Variants in DAPK2 observed in about 807,000 individuals in gnomAD.
The protein encoded by DAPK2 is death associated protein kinase 2.
In DAPK2, 35 loss-of-function variants were observed where a neutral mutation model predicts 44.1. That is an observed-to-expected ratio of 0.79 (90% CI 0.61 to 1.05). The LOEUF (loss-of-function observed/expected upper bound fraction) is 1.05. Among genes scored for constraint, DAPK2 ranks in the 50% least tolerant of loss-of-function variants. The probability of loss-of-function intolerance (pLI) is 0.00; values close to 1 mark genes in which losing one functional copy is unlikely to be tolerated. For synonymous variants in DAPK2, 174 were observed against 182.6 expected, an observed-to-expected ratio of 0.95 and a Z score of 0.38; for missense variants, 453 against 483.2, an observed-to-expected ratio of 0.94 and a Z score of 0.59.
At chr15:63,953,929 T>C (rs1343393860) in intron 3 of DAPK2, among the ~76,000 whole-genome samples, 2 of 152,232 alleles carry the variant, frequency 1.3e-5, no homozygotes, top group Non-Finnish European at 2.9e-5. Flanking sequence ...TTTTTAGAAA[T>C]GTCTATTCAG....
At chr15:63,947,184 T>C (rs11853756) in intron 3 of DAPK2, among the ~76,000 whole-genome samples, 151,438 of 152,168 alleles carry the variant, frequency 1, 75,361 homozygotes, top group East Asian at 1. Context: ...TCTCCCCCTC[T>C]CCACCCAGTT....
At chr15:64,041,718 A>C (rs906484010), upstream of DAPK2, among the ~76,000 whole-genome samples, 2 of 152,226 alleles carry the variant, frequency 1.3e-5, no homozygotes, top group South Asian at 4.1e-4. Context: ...CCATTATATA[A>C]GGGCACATCT....
At chr15:63,957,700 G>T (rs2077766096) in intron 3 of DAPK2, among the ~76,000 whole-genome samples, 1 of 151,966 alleles carries the variant, frequency 6.6e-6, no homozygotes, top group South Asian at 2.1e-4. Flanking sequence ...CATTTTTTAT[G>T]GCTGCATAGT....
intron 1 of DAPK2, 102 bp from the exon 3 acceptor site, chr15:63,983,856 C>CAGGAA: frequency 8.7e-7 from 1 of 1,155,636 alleles, no homozygotes; most frequent in Admixed American, 2.0e-5. Context: ...GTGATTCTGC[C>CAGGAA]AGGACAGGAC....
chr15:63,970,181 C>A (rs115470949), intron 3 of DAPK2, among the ~76,000 whole-genome samples: 2 of 152,194 alleles, frequency 1.3e-5, no homozygotes, highest in Non-Finnish European at 2.9e-5. Flanking sequence ...TCTCTGCTCA[C>A]CTGAACCCTT....
intron 3 of DAPK2, 90 bp downstream of exon 4, chr15:63,971,333 C>A (rs6494457): frequency 0.39 from 571,867 of 1,462,676 alleles, 118,164 homozygotes; most frequent in Non-Finnish European, 0.43. Context: ...AAGGGCTGGT[C>A]GGCACTGGGC....
intron 1 of DAPK2, among the ~76,000 whole-genome samples, chr15:63,999,564 G>A (rs2079031147): frequency 6.6e-6 from 1 of 152,094 alleles, no homozygotes; most frequent in South Asian, 2.1e-4. Flanking sequence ...TCCATCAGTA[G>A]GGGTCTTTTC....
intron 2 of DAPK2, among the ~76,000 whole-genome samples, chr15:63,975,609 T>A (rs1255040569): frequency 1.3e-5 from 2 of 151,464 alleles, no homozygotes; most frequent in Non-Finnish European, 2.9e-5. Flanking sequence ...CTTTTCTTTT[T>A]TTTTTTTGAG....
At chr15:63,989,990 C>G (rs1296446614) in intron 1 of DAPK2, among the ~76,000 whole-genome samples, 1 of 152,134 alleles carries the variant, frequency 6.6e-6, no homozygotes, top group Non-Finnish European at 1.5e-5. Context: ...CTGCGTCAGG[C>G]CTATTATTGG....
At chr15:63,938,431 G>A (rs1028229383) in intron 4 of DAPK2, among the ~76,000 whole-genome samples, 10 of 152,200 alleles carry the variant, frequency 6.6e-5, no homozygotes, top group South Asian at 4.1e-4. Context: ...AGCATTCTAC[G>A]GTGGCTGCAG....
At chr15:63,938,988 A>G (rs1043605120) in intron 4 of DAPK2, among the ~76,000 whole-genome samples, 4 of 152,206 alleles carry the variant, frequency 2.6e-5, no homozygotes, top group Non-Finnish European at 5.9e-5. Flanking sequence ...TACAGGCTGT[A>G]GCCCCACTGA....
chr15:63,947,342 A>G (rs74021209), intron 3 of DAPK2, among the ~76,000 whole-genome samples: 9,254 of 152,192 alleles, frequency 0.061, 450 homozygotes, highest in African/African-American at 0.13. Context: ...AAAACCCCAT[A>G]AGGAAGGACA....
intron 1 of DAPK2, among the ~76,000 whole-genome samples, chr15:64,036,330 T>TAC (rs1183533660): frequency 1.6e-5 from 2 of 124,226 alleles, no homozygotes; most frequent in Non-Finnish European, 3.4e-5. Flanking sequence ...TATATATATA[T>TAC]ATATATACAT....
chr15:64,000,267 C>T (rs2079051213), intron 1 of DAPK2, among the ~76,000 whole-genome samples: 1 of 152,044 alleles, frequency 6.6e-6, no homozygotes, highest in Non-Finnish European at 1.5e-5. Flanking sequence ...CACCCCACTA[C>T]AGCAAACTCC....
chr15:64,025,254 A>C (rs1332541455), intron 1 of DAPK2, among the ~76,000 whole-genome samples: 1 of 152,226 alleles, frequency 6.6e-6, no homozygotes, highest in Non-Finnish European at 1.5e-5. Context: ...ATCTGTAAAA[A>C]GGGAAAAATA....
chr15:63,957,734 A>G (rs1183381752), intron 3 of DAPK2, among the ~76,000 whole-genome samples: 2 of 151,770 alleles, frequency 1.3e-5, no homozygotes, highest in Non-Finnish European at 2.9e-5. Context: ...TATGTGCCAC[A>G]TTTTCTTAAT....
chr15:64,002,518 T>C (rs1406432302), intron 1 of DAPK2, among the ~76,000 whole-genome samples: 1 of 152,258 alleles, frequency 6.6e-6, no homozygotes, highest in Non-Finnish European at 1.5e-5. Context: ...GATGGATGGA[T>C]AGATGACCAA....
intron 2 of DAPK2, among the ~76,000 whole-genome samples, chr15:63,979,509 G>A (rs765724371): frequency 6.6e-4 from 100 of 152,192 alleles, no homozygotes; most frequent in Non-Finnish European, 1.1e-3. Context: ...CAACTGAGTA[G>A]GTGGATACTA....
chr15:63,943,274 A>T (rs1004696744), intron 3 of DAPK2, among the ~76,000 whole-genome samples: 5 of 152,128 alleles, frequency 3.3e-5, no homozygotes, highest in African/African-American at 4.8e-5. Context: ...AAAAATTTTT[A>T]AAAATTAGCC....
Sources: gnomAD v4.1 joint callset for allele counts (sites outside exome capture counted in the v4.1 genomes callset) on GRCh38, gnomAD v4.1.1 for gene constraint, MANE v1.5 for transcripts, NCBI Gene and HGNC (gene_info 2026-07-23, HGNC 2026-07-21) for gene names.